The following LEKR1 variants were observed in gnomAD, a reference collection of about 807,000 sequenced individuals.
LEKR1 encodes leucine, glutamate and lysine rich 1.
A neutral mutation model predicts 72.4 loss-of-function variants in LEKR1; 59 were observed. The observed-to-expected ratio is 0.82, with a 90% confidence interval of 0.66 to 1.01. The LOEUF (loss-of-function observed/expected upper bound fraction) is 1.01, where lower values mean the gene tolerates loss of function less well. Ranked by LOEUF, LEKR1 falls within the 50% of genes least tolerant of loss-of-function variation. The probability of loss-of-function intolerance (pLI) is 0.00; values close to 1 mark genes in which losing one functional copy is unlikely to be tolerated. For missense variants in LEKR1, 728 were observed against 759.2 expected (o/e 0.96, Z 0.48); for synonymous variants, 257 against 263.2 (o/e 0.98, Z 0.23).
chr3:156,976,469 A>T (rs181740827), intron 6 of LEKR1, among the ~76,000 whole-genome samples: 1 of 152,220 alleles, frequency 6.6e-6, no homozygotes, highest in Non-Finnish European at 1.5e-5. Context: ...TTCTCATGGA[A>T]TCAGTCACAG....
chr3:156,964,087 C>T (rs1394085697), intron 6 of LEKR1, among the ~76,000 whole-genome samples: 2 of 152,084 alleles, frequency 1.3e-5, no homozygotes, highest in Non-Finnish European at 2.9e-5. Flanking sequence ...TAGTATTAGG[C>T]TACTTTAATA....
chr3:156,865,687 G>C (rs1717231521), intron 3 of LEKR1, among the ~76,000 whole-genome samples: 1 of 151,926 alleles, frequency 6.6e-6, no homozygotes, highest in Admixed American at 6.6e-5. Flanking sequence ...CATTGTATCT[G>C]TCATAGGTTC....
intron 3 of LEKR1, among the ~76,000 whole-genome samples, chr3:156,905,875 T>A (rs977467912): frequency 6.6e-6 from 1 of 152,166 alleles, no homozygotes; most frequent in African/African-American, 2.4e-5. Context: ...CTTGTTTTGA[T>A]TGATTTCTTT....
At chr3:156,984,748 T>G (rs1730531460) in intron 7 of LEKR1, among the ~76,000 whole-genome samples, 1 of 152,128 alleles carries the variant, frequency 6.6e-6, no homozygotes, top group Non-Finnish European at 1.5e-5. Flanking sequence ...ATTCCTTTTT[T>G]TTTCTAAGCA....
chr3:157,000,146 C>T (rs1387800283), intron 9 of LEKR1, among the ~76,000 whole-genome samples: 1 of 152,128 alleles, frequency 6.6e-6, no homozygotes, highest in Non-Finnish European at 1.5e-5. Flanking sequence ...CCCCCAACCC[C>T]CTCAGTATTC....
chr3:156,842,419 G>A (rs1714053915), intron 2 of LEKR1, among the ~76,000 whole-genome samples: 2 of 151,924 alleles, frequency 1.3e-5, no homozygotes, highest in Non-Finnish European at 1.5e-5. Flanking sequence ...TTCTAGAGAA[G>A]TCCCTGCTGT....
chr3:156,918,978 G>A (rs549327083), intron 3 of LEKR1, among the ~76,000 whole-genome samples: 2 of 152,294 alleles, frequency 1.3e-5, no homozygotes, highest in South Asian at 4.1e-4. Flanking sequence ...GATTCCTCAT[G>A]AATAGATTAA....
At chr3:156,904,947 G>A (rs748002573) in intron 3 of LEKR1, among the ~76,000 whole-genome samples, 1 of 151,946 alleles carries the variant, frequency 6.6e-6, no homozygotes, top group Non-Finnish European at 1.5e-5. Context: ...TAAAGAAACA[G>A]GAAAATAAAT....
chr3:156,902,553 C>T (rs1722138641), intron 3 of LEKR1, among the ~76,000 whole-genome samples: 1 of 152,026 alleles, frequency 6.6e-6, no homozygotes, highest in Non-Finnish European at 1.5e-5. Context: ...TGAAGACATC[C>T]TGGACATCAT....
intron 6 of LEKR1, among the ~76,000 whole-genome samples, chr3:156,971,424 G>A (rs897378863): frequency 8.5e-5 from 13 of 152,162 alleles, no homozygotes; most frequent in African/African-American, 3.1e-4. Context: ...CAGGACATAG[G>A]CATGGGCAAG....
intron 12 of LEKR1, among the ~76,000 whole-genome samples, chr3:157,041,114 G>A (rs755604546): frequency 1.4e-4 from 21 of 152,132 alleles, no homozygotes; most frequent in Non-Finnish European, 2.4e-4. Context: ...CAGGGGGAGG[G>A]CAATTAAGTC....
intron 3 of LEKR1, among the ~76,000 whole-genome samples, chr3:156,855,127 G>A (rs1353074688): frequency 6.6e-6 from 1 of 151,916 alleles, no homozygotes; most frequent in East Asian, 1.9e-4. Context: ...TTGTATTTAT[G>A]TTCTTGTGAA....
chr3:156,981,608 T>G (rs1730208291), intron 7 of LEKR1, among the ~76,000 whole-genome samples: 1 of 152,238 alleles, frequency 6.6e-6, no homozygotes, highest in African/African-American at 2.4e-5. Context: ...GCTACCTGTC[T>G]CTAGCTCTTC....
chr3:156,859,555 C>G (rs115832281), intron 3 of LEKR1, among the ~76,000 whole-genome samples: 4,064 of 152,242 alleles, frequency 0.027, 100 homozygotes, highest in Non-Finnish European at 0.041. Context: ...CACAATGATA[C>G]ATTTGTTATA....
chr3:156,917,892 A>G (rs751879444), intron 3 of LEKR1, among the ~76,000 whole-genome samples: 6 of 152,112 alleles, frequency 3.9e-5, no homozygotes, highest in Non-Finnish European at 8.8e-5. Flanking sequence ...AGCATAAACC[A>G]GACTATAGCA....
intron 5 of LEKR1, among the ~76,000 whole-genome samples, chr3:156,939,675 C>G (rs1726026262): frequency 6.6e-6 from 1 of 152,004 alleles, no homozygotes; most frequent in South Asian, 2.1e-4. Context: ...ATTTCCTATT[C>G]TAGCAAATGA....
intron 12 of LEKR1, among the ~76,000 whole-genome samples, chr3:157,043,157 C>T (rs754245414): frequency 2.6e-5 from 4 of 152,176 alleles, no homozygotes; most frequent in African/African-American, 4.8e-5. Flanking sequence ...TCCACCATGA[C>T]TAAAAGCTTC....
intron 3 of LEKR1, chr3:156,853,261 T>C (rs1487699578): frequency 4.7e-6 from 1 of 210,890 alleles, no homozygotes; most frequent in Non-Finnish European, 9.3e-6. Flanking sequence ...TATCTTACGT[T>C]TTATTATTAG....
At chr3:156,957,424 T>C (rs1400349133) in intron 6 of LEKR1, among the ~76,000 whole-genome samples, 1 of 151,954 alleles carries the variant, frequency 6.6e-6, no homozygotes, top group African/African-American at 2.4e-5. Flanking sequence ...TTTTTTTCTC[T>C]TTTAAATTTT....
Sources: gnomAD v4.1 joint callset for allele counts (sites outside exome capture counted in the v4.1 genomes callset) on GRCh38, gnomAD v4.1.1 for gene constraint, MANE v1.5 for transcripts, NCBI Gene and HGNC (gene_info 2026-07-23, HGNC 2026-07-21) for gene names.